Variants in PRSS23 observed in about 807,000 individuals in gnomAD.
The protein encoded by PRSS23 is serine protease 23, also known as protease, serine 23.
In PRSS23, 25 loss-of-function variants were observed where a neutral mutation model predicts 34.7. That is an observed-to-expected ratio of 0.72 (90% CI 0.53 to 1.01). The LOEUF (loss-of-function observed/expected upper bound fraction) is 1.01, where lower values mean the gene tolerates loss of function less well. PRSS23 is among the 50% of genes least tolerant of loss of function. The probability of loss-of-function intolerance (pLI) is 0.00; values close to 1 mark genes in which losing one functional copy is unlikely to be tolerated. For synonymous variants in PRSS23, 176 were observed against 186.6 expected (o/e 0.94, Z 0.46); for missense variants, 445 against 475.6 (o/e 0.94, Z 0.60).
intron 2 of PRSS23, among the ~76,000 whole-genome samples, chr11:86,867,275 C>G (rs1387655536): frequency 6.6e-6 from 1 of 152,226 alleles, no homozygotes; most frequent in South Asian, 2.1e-4. Context: ...AAAACCTCCC[C>G]AAGCTGGCTC....
intron 2 of PRSS23, among the ~76,000 whole-genome samples, chr11:86,847,667 G>A (rs767811056): frequency 2.0e-5 from 3 of 152,060 alleles, no homozygotes; most frequent in Non-Finnish European, 4.4e-5. Context: ...GGACAAATTC[G>A]ACCCTGAAAC....
At chr11:86,795,807 A>G (rs1033455774), upstream of PRSS23, among the ~76,000 whole-genome samples, 11 of 152,244 alleles carry the variant, frequency 7.2e-5, no homozygotes, top group African/African-American at 2.7e-4. Flanking sequence ...TCAAAGAAAT[A>G]TGAAACCATA....
At chr11:86,823,689 G>C (rs1948271599) in intron 2 of PRSS23, 1 of 672,616 alleles carries the variant, frequency 1.5e-6, no homozygotes. Flanking sequence ...ACGGAGCAAA[G>C]CAATGTCACA....
chr11:86,861,313 G>A (rs530328768), intron 2 of PRSS23, among the ~76,000 whole-genome samples: 1 of 151,676 alleles, frequency 6.6e-6, no homozygotes, highest in Non-Finnish European at 1.5e-5. Context: ...CGGGGGCGGA[G>A]AGGGGCATGA....
At chr11:86,852,846 T>TTTTGTTTG (rs571111059) in intron 2 of PRSS23, among the ~76,000 whole-genome samples, 1 of 151,906 alleles carries the variant, frequency 6.6e-6, no homozygotes, top group Non-Finnish European at 1.5e-5. Flanking sequence ...TCACACCATG[T>TTTTGTTTG]TTTGTTTGTT....
chr11:86,807,933 C>T lies in PRSS23; in HGVS notation c.290C>T (p.Thr97Ile). ...YETLYANGSR[T>I]ETQVGIYILS... ...ACGCTCTATGCCAATGGCAGCCGCACAGAGACGCAGGTGGGCATCTACATC... is the reference window on the plus strand; with the variant it reads ...ACGCTCTATGCCAATGGCAGCCGCATAGAGACGCAGGTGGGCATCTACATC... The change falls in exon 2 of 2, where the codon ACA (threonine) becomes ATA (isoleucine). Residue 97 changes from threonine (T) to isoleucine (I), a missense_variant. Physicochemically the swap from Thr to Ile is moderately conservative, Grantham distance 89. Coordinates refer to ENST00000280258, the MANE Select transcript of PRSS23 (RefSeq NM_007173.6). The T allele has an allele frequency of 6.2e-7, 1 of 1,614,182 alleles. No homozygotes were observed.
At chr11:86,885,234 C>T (rs1948795240) in intron 2 of PRSS23, among the ~76,000 whole-genome samples, 1 of 152,122 alleles carries the variant, frequency 6.6e-6, no homozygotes, top group Admixed American at 6.5e-5. Flanking sequence ...CTATATCATC[C>T]CAAGAACTTC....
chr11:86,847,302 A>G (rs565069724), intron 2 of PRSS23, among the ~76,000 whole-genome samples: 22 of 152,326 alleles, frequency 1.4e-4, no homozygotes, highest in African/African-American at 5.0e-4. Context: ...GCATTCAAGC[A>G]TCAGTGGTGC....
intron 2 of PRSS23, among the ~76,000 whole-genome samples, chr11:86,926,294 C>T (rs1041993926): frequency 3.3e-5 from 5 of 152,056 alleles, no homozygotes; most frequent in East Asian, 1.9e-4. Context: ...ACCAGGGAGG[C>T]AGAGGTTACA....
downstream of PRSS23, among the ~76,000 whole-genome samples, chr11:86,812,375 G>A (rs1427055145): frequency 6.6e-6 from 1 of 152,210 alleles, no homozygotes; most frequent in Non-Finnish European, 1.5e-5. Flanking sequence ...TTTTGATGGG[G>A]TGGGGTCATC....
intron 2 of PRSS23, among the ~76,000 whole-genome samples, chr11:86,862,381 T>C (rs1384792797): frequency 6.6e-6 from 1 of 151,950 alleles, no homozygotes; most frequent in African/African-American, 2.4e-5. Context: ...GGGATATTAT[T>C]GGTAATATCC....
intron 2 of PRSS23, among the ~76,000 whole-genome samples, chr11:86,888,839 C>T (rs1948822391): frequency 6.6e-6 from 1 of 152,202 alleles, no homozygotes; most frequent in Non-Finnish European, 1.5e-5. Context: ...GCTGGAGGAT[C>T]CAACTGAATT....
chr11:86,831,974 G>C (rs149128144), intron 2 of PRSS23, among the ~76,000 whole-genome samples: 9 of 151,720 alleles, frequency 5.9e-5, no homozygotes, highest in Non-Finnish European at 1.2e-4. Flanking sequence ...TAATATCCTA[G>C]GGGGACCTTA....
intron 2 of PRSS23, among the ~76,000 whole-genome samples, chr11:86,901,028 G>GC (rs1027292636): frequency 6.6e-6 from 1 of 151,574 alleles, no homozygotes; most frequent in Non-Finnish European, 1.5e-5. Flanking sequence ...CAGGTGGTCC[G>GC]CCCACCTCAG....
At chr11:86,945,585 C>CT (rs1949236017) in intron 2 of PRSS23, 1 of 152,278 alleles carries the variant, frequency 6.6e-6, no homozygotes. Flanking sequence ...CCAATCTGCC[C>CT]TACAAACTGA....
chr11:86,939,810 T>C (rs1013209359), intron 2 of PRSS23, among the ~76,000 whole-genome samples: 1 of 151,556 alleles, frequency 6.6e-6, no homozygotes, highest in Non-Finnish European at 1.5e-5. Context: ...ACAAAAATGC[T>C]AGGAAGTGGT....
intron 2 of PRSS23, among the ~76,000 whole-genome samples, chr11:86,824,028 A>G (rs1389598735): frequency 6.7e-6 from 1 of 150,250 alleles, no homozygotes; most frequent in Non-Finnish European, 1.5e-5. Context: ...AAAAAAAAAA[A>G]AAAGAATTCA....
chr11:86,927,409 CCA>C (rs1288668449), intron 2 of PRSS23, among the ~76,000 whole-genome samples: 1 of 152,180 alleles, frequency 6.6e-6, no homozygotes, highest in East Asian at 1.9e-4. Context: ...CTGGCATTCT[CCA>C]GTTGGCATTG....
At position 86,951,841 on chromosome 11, in the gene PRSS23, A is replaced by G. The variant is rs569799114; in HGVS notation, c.*556A>G. On this transcript the variant is annotated 3_prime_UTR_variant, in exon 3 of 3. Transcript: ENST00000533902. ...TTCCAAAAAAGTACATCAGCAAGAA[A>G]ATTATTGCACATCCTGTGTTCTTAA... 1.2e-6 allele frequency: 2 copies of G among 1,613,808 alleles called. No individual in the cohort carries two copies. Among genetic ancestry groups the G allele is most frequent in the African/African-American group, 2.7e-5 (2 of 75,052 alleles).
Sources: allele counts gnomAD v4.1 joint callset (sites outside exome capture counted in the v4.1 genomes callset), GRCh38; gene constraint gnomAD v4.1.1; transcripts MANE v1.5; gene names NCBI Gene and HGNC (gene_info 2026-07-23, HGNC 2026-07-21).